The following CD44 variants were observed in gnomAD, a reference collection of about 807,000 sequenced individuals.
CD44 encodes the protein CD44 molecule (IN blood group).
CD44 carries 49 observed loss-of-function variants against 88.8 expected under a neutral mutation model. The observed-to-expected ratio is 0.55, with a 90% CI of 0.44 to 0.70. CD44 has a LOEUF of 0.70. Among genes scored for constraint, CD44 ranks in the 30% least tolerant of loss-of-function variants. The pLI is 0.00. For missense variants in CD44, 883 were observed against 913.8 expected (o/e 0.97, Z 0.43); for synonymous variants, 325 against 312.3 (o/e 1.04, Z -0.43).
intron 12 of CD44, 32 bp from the exon 13 acceptor site, chr11:35,209,933 A>C: frequency 7.0e-7 from 1 of 1,419,736 alleles, no homozygotes; most frequent in Non-Finnish European, 9.7e-7. Context: ...GTAGCTTCAA[A>C]TTAACACTGG....
intron 1 of CD44, among the ~76,000 whole-genome samples, chr11:35,175,983 G>A (rs574957195): frequency 6.8e-6 from 1 of 147,888 alleles, no homozygotes; most frequent in South Asian, 2.1e-4. Flanking sequence ...TTCTGCCTCA[G>A]CCTCCCAAGT....
chr11:35,180,296 G>A lies in CD44; in HGVS notation c.256G>A (p.Val86Met), dbSNP rs368373820. 9 of 1,613,984 alleles carry A rather than the reference G, an allele frequency of 5.6e-6. No individual in the cohort carries two copies. Among genetic ancestry groups the A allele is most frequent in the Non-Finnish European group, 4.2e-6 (5 of 1,180,020 alleles). The change falls in exon 3 of 18, where the codon GTG becomes ATG. Residue 86 changes from valine (V) to methionine (M), a missense_variant. Val to Met is a conservative substitution (Grantham distance 21). Coordinates refer to ENST00000428726, the MANE Select transcript of CD44 (RefSeq NM_000610.4). Reference protein sequence around the residue: ...TCRYGFIEGHVVIPRIHPNSI... With the variant: ...TCRYGFIEGHMVIPRIHPNSI... ...CAGGTATGGGTTCATAGAAGGGCAC[G>A]TGGTGATTCCCCGGATCCACCCCAA...
Position 35,230,459 on chromosome 11 carries a change from T to C in CD44, c.*1126T>C, listed in dbSNP as rs188719172. On this transcript the variant is annotated 3_prime_UTR_variant, in exon 18 of 18. Transcript: ENST00000428726. The stretch of plus-strand genomic sequence containing the variant: ...GGAAGTGCCTTTTGATGTCTTACAA[T>C]AAGAGAAGAAGCCAATGGAAATGAA... The C allele has an allele frequency of 2.0e-5, 3 of 152,290 alleles. No homozygotes were observed. 9.4% of individuals were successfully genotyped at this position (152,290 alleles called of 1,614,324 possible). A position where few individuals can be genotyped will look rare whatever the true frequency, so the allele number is the denominator to read the frequency against.
At chr11:35,188,964 C>T (rs1284046021) in intron 4 of CD44, among the ~76,000 whole-genome samples, 1 of 151,910 alleles carries the variant, frequency 6.6e-6, no homozygotes, top group Admixed American at 6.6e-5. Flanking sequence ...TTCATTTGAG[C>T]AAGCTAAATA....
At chr11:35,226,553 A>G (rs187018424) in intron 17 of CD44, among the ~76,000 whole-genome samples, 212 of 152,352 alleles carry the variant, frequency 1.4e-3, no homozygotes, top group African/African-American at 5.0e-3. Flanking sequence ...ATTAACAATT[A>G]TAGATAGCAC....
intron 11 of CD44, among the ~76,000 whole-genome samples, chr11:35,207,673 G>C (rs1007521670): frequency 2.6e-5 from 4 of 152,186 alleles, no homozygotes; most frequent in African/African-American, 7.2e-5. Flanking sequence ...AAGACTAAAG[G>C]GGGGAAGAGG....
chr11:35,147,175 C>A (rs1293307197), intron 1 of CD44, among the ~76,000 whole-genome samples: 2 of 152,184 alleles, frequency 1.3e-5, no homozygotes, highest in Non-Finnish European at 2.9e-5. Flanking sequence ...TCTCCATCAG[C>A]TAGAACTTTG....
At chr11:35,180,799 T>G (rs1944913114) in intron 3 of CD44, among the ~76,000 whole-genome samples, 1 of 152,168 alleles carries the variant, frequency 6.6e-6, no homozygotes, top group Non-Finnish European at 1.5e-5. Context: ...ACATTCAAAG[T>G]CATCCTGGAC....
At chr11:35,145,204 C>A (rs992591067) in intron 1 of CD44, among the ~76,000 whole-genome samples, 5 of 152,196 alleles carry the variant, frequency 3.3e-5, no homozygotes, top group Non-Finnish European at 7.3e-5. Flanking sequence ...TGGGGGAGTC[C>A]CCTGATAACA....
rs1565131918 is a variant in CD44 at position 35,206,560 on chromosome 11, A to C, written c.1414+317A>C. 3.3e-5 allele frequency among the ~76,000 whole-genome samples: 5 copies of C among 151,136 alleles called. No homozygotes were observed. In the Admixed American group the frequency reaches 3.3e-4, roughly 10 times the overall value. On this transcript the variant is annotated intron_variant, in intron 11 of 17. Transcript: ENST00000428726. The stretch of plus-strand genomic sequence containing the variant: ...CAATAAACGCTAAAGAAATTCTGAG[A>C]ACCCCTCCCTGCCCACCACAGCATC...
intron 2 of CD44, chr11:35,176,981 G>A (rs1944529369): frequency 2.2e-6 from 1 of 449,350 alleles, no homozygotes; most frequent in Non-Finnish European, 4.0e-6. Context: ...GGGTCCTCTC[G>A]GCTGGAATCC....
intron 3 of CD44, among the ~76,000 whole-genome samples, chr11:35,183,338 C>CAAA (rs5791038): frequency 1.3e-4 from 16 of 126,608 alleles, no homozygotes; most frequent in African/African-American, 3.8e-4. Context: ...AGCAATGAGA[C>CAAA]AAAAAAAAAA....
At chr11:35,166,281 A>G (rs1160523755) in intron 1 of CD44, among the ~76,000 whole-genome samples, 2 of 152,222 alleles carry the variant, frequency 1.3e-5, no homozygotes, top group Non-Finnish European at 2.9e-5. Flanking sequence ...CTGAAGACGC[A>G]CTCGTCAAAG....
intron 1 of CD44, among the ~76,000 whole-genome samples, chr11:35,153,238 A>T (rs1941414735): frequency 6.6e-6 from 1 of 152,168 alleles, no homozygotes; most frequent in Non-Finnish European, 1.5e-5. Flanking sequence ...GAAGACAATG[A>T]TCTGATCAGG....
Position 35,221,643 on chromosome 11 carries a change from A to T in CD44, c.1946-11A>T, listed in dbSNP as rs770457587. 1.6e-5 allele frequency: 26 copies of T among 1,611,438 alleles called. 1 individual carries two copies. The South Asian group carries it at 2.9e-4, about 18-fold the overall frequency. ...GAAGCTCACGCATGTCATTTAATTTACTCATACCAGAATGGCTGATCATCT... is the reference window on the plus strand; with the variant it reads ...GAAGCTCACGCATGTCATTTAATTTTCTCATACCAGAATGGCTGATCATCT... On this transcript the variant is annotated splice_polypyrimidine_tract_variant and intron_variant, in intron 16 of 17. Transcript: ENST00000428726.
At chr11:35,143,880 G>GAA (rs1423384592) in intron 1 of CD44, among the ~76,000 whole-genome samples, 4 of 152,224 alleles carry the variant, frequency 2.6e-5, no homozygotes, top group Non-Finnish European at 4.4e-5. Context: ...GTGGTTGCTT[G>GAA]TCTACAGGAC....
chr11:35,203,766 G>A (rs760399709), intron 9 of CD44, among the ~76,000 whole-genome samples: 8 of 151,334 alleles, frequency 5.3e-5, no homozygotes, highest in Non-Finnish European at 8.8e-5. Flanking sequence ...GTGTCTTTCT[G>A]ACTTTTCCTG....
intron 15 of CD44, among the ~76,000 whole-genome samples, chr11:35,215,316 G>A (rs1302967544): frequency 6.6e-6 from 1 of 152,204 alleles, no homozygotes; most frequent in African/African-American, 2.4e-5. Context: ...GCCTGAGTTC[G>A]ATTCCAGCCC....
intron 1 of CD44, among the ~76,000 whole-genome samples, chr11:35,142,120 G>A (rs1173628503): frequency 6.6e-6 from 1 of 152,084 alleles, no homozygotes; most frequent in Non-Finnish European, 1.5e-5. Context: ...CCTTGGTGGA[G>A]GCCAGGGGGG....
Sources: gnomAD v4.1 joint callset for allele counts (sites outside exome capture counted in the v4.1 genomes callset) on GRCh38, gnomAD v4.1.1 for gene constraint, MANE v1.5 for transcripts, NCBI Gene and HGNC (gene_info 2026-07-23, HGNC 2026-07-21) for gene names.